PLPP3: variants seen among roughly 807,000 people sequenced by gnomAD.
PLPP3 encodes phospholipid phosphatase 3, also known as PAP2 beta.
A neutral mutation model predicts 29.6 loss-of-function variants in PLPP3; 6 were observed. That is an observed-to-expected ratio of 0.20 (90% CI 0.11 to 0.40). The LOEUF is 0.40. Among genes scored for constraint, PLPP3 ranks in the 10% least tolerant of loss-of-function variants. The probability of loss-of-function intolerance (pLI) is 1.00; values close to 1 mark genes in which losing one functional copy is unlikely to be tolerated. For missense variants in PLPP3, 308 were observed against 407.7 expected (o/e 0.76, Z 2.11); for synonymous variants, 152 against 159.7 (o/e 0.95, Z 0.36).
intron 2 of PLPP3, among the ~76,000 whole-genome samples, chr1:56,525,514 T>C (rs1476408411): frequency 5.9e-5 from 9 of 152,190 alleles, no homozygotes. Context: ...TGTCACGAAA[T>C]CCTGATGCTC....
intron 5 of PLPP3, among the ~76,000 whole-genome samples, chr1:56,506,465 G>T (rs1453467313): frequency 6.6e-6 from 1 of 152,142 alleles, no homozygotes; most frequent in Non-Finnish European, 1.5e-5. Flanking sequence ...AAAGAGCAAC[G>T]GCAAGCGGAG....
Position 56,541,069 on chromosome 1 carries a change from C to T in PLPP3, c.140-3957G>A, listed in dbSNP as rs531313529. On this transcript the variant is annotated intron_variant, in intron 1 of 5. Transcript: ENST00000371250. ...TAAGATAGTCAAAAAAGCAAGAACC[C>T]TGAATTATTTCTAGTGTGATGACTG... Among the ~76,000 whole-genome samples the T allele has an allele frequency of 3.3e-5, 5 of 152,264 alleles. No homozygotes were observed. The East Asian group carries it at 5.8e-4, about 18-fold the overall frequency.
Position 56,527,413 on chromosome 1 carries a change from T to G in PLPP3, c.298-2859A>C, listed in dbSNP as rs190298824. ...GGAGACAGTGACTTTTCTGAAGGAT[T>G]TGAGGCCAGTAAGTGACAGAGTTAA... On this transcript the variant is annotated intron_variant, in intron 2 of 5. Coordinates refer to ENST00000371250, the MANE Select transcript of PLPP3 (RefSeq NM_003713.5). Among the ~76,000 whole-genome samples, 145 of 152,302 alleles carry G rather than the reference T, an allele frequency of 9.5e-4. 3 individuals carry two copies. In the East Asian group the frequency reaches 0.022, roughly 23 times the overall value.
chr1:56,500,617 G>A (rs1328345776), intron 5 of PLPP3, among the ~76,000 whole-genome samples: 1 of 152,174 alleles, frequency 6.6e-6, no homozygotes, highest in Non-Finnish European at 1.5e-5. Context: ...AGCGTCTTGG[G>A]ACATGTTAAA....
At chr1:56,550,933 A>C (rs1646033886) in intron 1 of PLPP3, among the ~76,000 whole-genome samples, 1 of 152,152 alleles carries the variant, frequency 6.6e-6, no homozygotes, top group African/African-American at 2.4e-5. Flanking sequence ...TCTAATTGGA[A>C]GGACAAGAGG....
At chr1:56,530,711 C>A (rs1484815303) in intron 2 of PLPP3, among the ~76,000 whole-genome samples, 1 of 84,064 alleles carries the variant, frequency 1.2e-5, no homozygotes, top group Non-Finnish European at 2.6e-5. Context: ...AAAATACTCT[C>A]ATCAACCTCT....
chr1:56,564,424 T>C (rs1052975914), intron 1 of PLPP3, among the ~76,000 whole-genome samples: 2 of 152,212 alleles, frequency 1.3e-5, no homozygotes, highest in African/African-American at 2.4e-5. Context: ...GAAAAATTAA[T>C]TGAGGCAAGA....
intron 1 of PLPP3, among the ~76,000 whole-genome samples, chr1:56,557,012 G>GAA (rs60511169): frequency 2.1e-3 from 19 of 9,116 alleles, no homozygotes; most frequent in Admixed American, 7.3e-3. Context: ...GAAAGAAAGA[G>GAA]AGAGAGAGAG....
At chr1:56,549,812 T>C (rs1411711696) in intron 1 of PLPP3, among the ~76,000 whole-genome samples, 1 of 152,186 alleles carries the variant, frequency 6.6e-6, no homozygotes, top group Admixed American at 6.5e-5. Flanking sequence ...GAACGAATGT[T>C]TGGCAGCTCT....
At chr1:56,523,734 C>G in intron 4 of PLPP3, 89 bp downstream of exon 4, 2 of 1,379,382 alleles carry the variant, frequency 1.4e-6, no homozygotes, top group South Asian at 2.4e-5. Context: ...ACAGTGATGG[C>G]ATGCCCCTAA....
intron 1 of PLPP3, among the ~76,000 whole-genome samples, chr1:56,541,867 T>C (rs1930760): frequency 0.43 from 64,472 of 151,582 alleles, 14,447 homozygotes; most frequent in East Asian, 0.56. Context: ...ATCACACATG[T>C]GCTAGGTAAC....
intron 4 of PLPP3, among the ~76,000 whole-genome samples, chr1:56,515,787 G>C (rs1645776796): frequency 6.6e-6 from 1 of 152,158 alleles, no homozygotes. Flanking sequence ...AGTGCATTTT[G>C]GGGTACAATA....
Position 56,538,960 on chromosome 1 carries a change from A to AAAAAAAAAAAAAACAAAC in PLPP3, c.140-1849_140-1848insGTTTGTTTTTTTTTTTTT, listed in dbSNP as rs1553137992. The AAAAAAAAAAAAAACAAAC allele has an allele frequency of 1.6e-4, 11 of 68,064 alleles. No individual in the cohort carries two copies. In the South Asian group the frequency reaches 2.4e-3, roughly 15 times the overall value. The allele number at this position is 68,064 out of a possible 1,614,324, so 4.2% of individuals were successfully genotyped here. ...AATAAATACAAGACTTCTGGGCTGCAAAAAAAAAAAACACAGTGGATAATA... is the reference window on the plus strand; with the variant it reads ...AATAAATACAAGACTTCTGGGCTGCAAAAAAAAAAAAAACAAACAAAAAAAAAAACACAGTGGATAATA... On this transcript the variant is annotated intron_variant, in intron 1 of 5. Coordinates refer to ENST00000371250, the MANE Select transcript of PLPP3 (RefSeq NM_003713.5).
chr1:56,514,183 T>G (rs1645765793), intron 4 of PLPP3, among the ~76,000 whole-genome samples: 1 of 151,970 alleles, frequency 6.6e-6, no homozygotes, highest in African/African-American at 2.4e-5. Flanking sequence ...AGAAAATAAA[T>G]AAGTATACTA....
intron 2 of PLPP3, among the ~76,000 whole-genome samples, chr1:56,530,014 C>CA (rs1280571517): frequency 2.0e-5 from 3 of 152,086 alleles, no homozygotes; most frequent in Non-Finnish European, 4.4e-5. Context: ...GTCAGGGACT[C>CA]AGAGTCATGG....
chr1:56,527,202 C>A (rs1777277), intron 2 of PLPP3, among the ~76,000 whole-genome samples: 70,993 of 152,010 alleles, frequency 0.47, 16,853 homozygotes, highest in African/African-American at 0.53. Context: ...TAGTAAATTG[C>A]AAAGTAAAAT....
rs1161585309 is a variant in PLPP3, at chr1:56,512,125, G to A, written c.661C>T (p.Arg221Ter). 1 of 1,606,184 alleles carries A rather than the reference G, an allele frequency of 6.2e-7. No individual in the cohort carries two copies. Among genetic ancestry groups the A allele is most frequent in the South Asian group, 1.1e-5 (1 of 89,892 alleles). ...VLYLQARFTW[R>*]GARLLRPLLQ... is the part of the protein sequence containing the mutation. ...AGGGGCCGGAGCAGGCGGGCTCCTC[G>A]CCAAGTGAAGCGGGCCTGCAGGTAT... The change falls in exon 5 of 6, where the codon CGA (arginine) becomes TGA (stop). Residue 221 changes from arginine to a stop codon, truncating the protein, a stop_gained. Transcript: ENST00000371250. LOFTEE classifies it high-confidence loss of function.
chr1:56,516,866 AGGCCCT>A (rs1202361767), intron 4 of PLPP3: 1 of 151,820 alleles, frequency 6.6e-6, no homozygotes, highest in Non-Finnish European at 1.5e-5. Flanking sequence ...GATGTATGTA[AGGCCCT>A]GGCATGTAGA....
intron 5 of PLPP3, among the ~76,000 whole-genome samples, chr1:56,497,049 C>G (rs1645635249): frequency 6.6e-6 from 1 of 152,204 alleles, no homozygotes; most frequent in Non-Finnish European, 1.5e-5. Flanking sequence ...GTCATTAATT[C>G]ACACTACTTT....
Sources: gnomAD v4.1 joint callset for allele counts (sites outside exome capture counted in the v4.1 genomes callset) on GRCh38, gnomAD v4.1.1 for gene constraint, MANE v1.5 for transcripts, NCBI Gene and HGNC (gene_info 2026-07-23, HGNC 2026-07-21) for gene names.